IL17B: variants seen among roughly 807,000 people sequenced by gnomAD.
IL17B encodes the protein interleukin 17B, also known as interleukin-17B.
A neutral mutation model predicts 14.7 loss-of-function variants in IL17B; 14 were observed. That is an observed-to-expected ratio of 0.95 (90% CI 0.63 to 1.49). The LOEUF is 1.49. Ranked by LOEUF, IL17B falls within the 40% of genes most tolerant of loss-of-function variation. The pLI is 0.00. For synonymous variants in IL17B, 105 were observed against 94.8 expected, an observed-to-expected ratio of 1.11 and a Z score of -0.62; for missense variants, 233 against 252.8, an observed-to-expected ratio of 0.92 and a Z score of 0.53.
Position 149,376,832 on chromosome 5 carries a change from T to A in IL17B, c.215A>T (p.Gln72Leu). The A allele has an allele frequency of 6.2e-7, 1 of 1,614,184 alleles. No individual in the cohort carries two copies. Among genetic ancestry groups the A allele is most frequent in the Non-Finnish European group, 8.5e-7 (1 of 1,180,022 alleles). ...YERNIEEMVAQLRNSSELAQR... is the reference protein window; with the variant it reads ...YERNIEEMVALLRNSSELAQR... ...GGCCAGCTCTGAGCTGTTCCTCAGC[T>A]GGGCCACCATCTCCTCGATGTTCCT... The change falls in exon 2 of 3, where the codon CAG becomes CTG. Residue 72 changes from glutamine (Q) to leucine (L), a missense_variant. By Grantham distance (113) the Gln-to-Leu change is moderately radical (BLOSUM62 -2). Coordinates refer to ENST00000261796, the MANE Select transcript of IL17B (RefSeq NM_014443.3).
At chr5:149,388,633 C>T (rs982857056) in intron 1 of IL17B, among the ~76,000 whole-genome samples, 8 of 152,218 alleles carry the variant, frequency 5.3e-5, no homozygotes, top group Non-Finnish European at 7.3e-5. Flanking sequence ...GGCCAAGTTG[C>T]ACTGCAGTAA....
intron 1 of IL17B, among the ~76,000 whole-genome samples, chr5:149,396,807 G>C (rs546122552): frequency 3.3e-5 from 5 of 152,292 alleles, no homozygotes; most frequent in African/African-American, 1.2e-4. Flanking sequence ...CATGTAATGT[G>C]TTTTGTAACA....
intron 1 of IL17B, among the ~76,000 whole-genome samples, chr5:149,387,646 C>CA (rs3832343): frequency 0.31 from 46,209 of 151,392 alleles, 7,150 homozygotes; most frequent in African/African-American, 0.32. Context: ...TGGTGGCATG[C>CA]ATCTGTAGTC....
intron 1 of IL17B, among the ~76,000 whole-genome samples, chr5:149,393,064 C>T (rs951228535): frequency 9.9e-5 from 15 of 151,954 alleles, no homozygotes; most frequent in Non-Finnish European, 2.2e-4. Flanking sequence ...TGTGTGTCTG[C>T]GTGTGTGAGA....
chr5:149,402,794 G>A (rs542994480), intron 1 of IL17B, among the ~76,000 whole-genome samples: 1 of 151,604 alleles, frequency 6.6e-6, no homozygotes, highest in African/African-American at 2.4e-5. Context: ...ACAAGGTCAG[G>A]AGATCAAGAC....
intron 1 of IL17B, among the ~76,000 whole-genome samples, chr5:149,395,400 T>C (rs1359572648): frequency 6.6e-6 from 1 of 152,228 alleles, no homozygotes; most frequent in Non-Finnish European, 1.5e-5. Flanking sequence ...TGTGCCATGT[T>C]TTTATGGTGT....
intron 2 of IL17B, 136 bp downstream of exon 2, chr5:149,376,600 G>A: frequency 8.8e-7 from 1 of 1,139,484 alleles, no homozygotes. Flanking sequence ...AGCCTCACAG[G>A]CAAGTAAGAG....
At chr5:149,394,713 G>T (rs934612172) in intron 1 of IL17B, among the ~76,000 whole-genome samples, 9 of 152,172 alleles carry the variant, frequency 5.9e-5, no homozygotes, top group Admixed American at 3.9e-4. Flanking sequence ...TTGACGTCTT[G>T]CATAAAAATG....
At chr5:149,393,781 A>T (rs141483593) in intron 1 of IL17B, among the ~76,000 whole-genome samples, 1 of 152,098 alleles carries the variant, frequency 6.6e-6, no homozygotes, top group East Asian at 1.9e-4. Context: ...CTAAAGCTGA[A>T]CTACCCGTGG....
chr5:149,395,087 T>G (rs948622682), intron 1 of IL17B, among the ~76,000 whole-genome samples: 1 of 152,206 alleles, frequency 6.6e-6, no homozygotes, highest in Non-Finnish European at 1.5e-5. Context: ...AGTGTTTAGC[T>G]CCCACTTATA....
In IL17B at chr5:149,376,607, A is replaced by G. The variant is rs10039453; in HGVS notation, c.311+129T>C. Reference sequence around the variant, plus strand: ...TTGCCCAAAGCCTCACAGGCAAGTAAGAGGCAGAGCTAGGGTTCGAACCCA... The same window carrying G: ...TTGCCCAAAGCCTCACAGGCAAGTAGGAGGCAGAGCTAGGGTTCGAACCCA... On this transcript the variant is annotated intron_variant, in intron 2 of 2. Transcript: ENST00000261796. 4 of 1,206,616 alleles carry G rather than the reference A, an allele frequency of 3.3e-6. No homozygotes were observed. The African/African-American group carries it at 6.1e-5, about 18-fold the overall frequency. 74.7% of individuals were successfully genotyped at this position (1,206,616 alleles called of 1,614,324 possible).
At chr5:149,384,495 G>A (rs1758779240) in intron 1 of IL17B, among the ~76,000 whole-genome samples, 1 of 152,202 alleles carries the variant, frequency 6.6e-6, no homozygotes, top group Non-Finnish European at 1.5e-5. Flanking sequence ...TGAAGAGCCA[G>A]TATAGATTAA....
intron 1 of IL17B, among the ~76,000 whole-genome samples, chr5:149,391,326 G>A (rs144696637): frequency 2.0e-5 from 3 of 152,210 alleles, no homozygotes; most frequent in Admixed American, 1.3e-4. Context: ...CCAGCCTGTC[G>A]GGACTGGGAA....
intron 1 of IL17B, among the ~76,000 whole-genome samples, chr5:149,403,274 C>T (rs557531951): frequency 2.8e-4 from 42 of 151,926 alleles, no homozygotes; most frequent in Admixed American, 1.2e-3. Context: ...TTTATAGAGA[C>T]GGGGTTTCAC....
chr5:149,380,804 A>G (rs1758675585), upstream of IL17B, among the ~76,000 whole-genome samples: 1 of 152,212 alleles, frequency 6.6e-6, no homozygotes, highest in Non-Finnish European at 1.5e-5. Context: ...TGAATGTCAC[A>G]AGATTAATCT....
At chr5:149,380,527 G>A (rs536180761), upstream of IL17B, among the ~76,000 whole-genome samples, 15 of 152,248 alleles carry the variant, frequency 9.9e-5, no homozygotes, top group South Asian at 1.0e-3. Flanking sequence ...TTGTGAGGTC[G>A]GATGACCTCA....
intron 1 of IL17B, among the ~76,000 whole-genome samples, chr5:149,398,851 C>T (rs1269543400): frequency 6.6e-6 from 1 of 152,138 alleles, no homozygotes; most frequent in Admixed American, 6.6e-5. Context: ...GTTTGCAGCC[C>T]AGATGTCACC....
At chr5:149,396,603 A>G (rs531151420) in intron 1 of IL17B, among the ~76,000 whole-genome samples, 2 of 152,240 alleles carry the variant, frequency 1.3e-5, no homozygotes, top group South Asian at 4.2e-4. Flanking sequence ...AAAAAATACA[A>G]AAAATATAGC....
chr5:149,385,433 C>T (rs1003258767), intron 1 of IL17B, among the ~76,000 whole-genome samples: 6 of 152,316 alleles, frequency 3.9e-5, no homozygotes, highest in Non-Finnish European at 1.5e-5. Context: ...CGTGAGCCAC[C>T]GTACGCGGCC....
Sources: gnomAD v4.1 joint callset for allele counts (sites outside exome capture counted in the v4.1 genomes callset) on GRCh38, gnomAD v4.1.1 for gene constraint, MANE v1.5 for transcripts, NCBI Gene and HGNC (gene_info 2026-07-23, HGNC 2026-07-21) for gene names.